Variants in TENM2 observed in about 807,000 individuals in gnomAD.
TENM2 encodes the protein teneurin transmembrane protein 2.
A neutral mutation model predicts 245.2 loss-of-function variants in TENM2; 52 were observed. That is an observed-to-expected ratio of 0.21 (90% CI 0.17 to 0.27). The LOEUF (loss-of-function observed/expected upper bound fraction) is 0.27. Ranked by LOEUF, TENM2 falls within the 10% of genes least tolerant of loss-of-function variation. TENM2 has a pLI of 1.00. For missense variants in TENM2, 3,046 were observed against 3,666.8 expected, an observed-to-expected ratio of 0.83 and a Z score of 4.37; for synonymous variants, 1,363 against 1,438.9, an observed-to-expected ratio of 0.95 and a Z score of 1.19.
At chr5:167,420,120 T>C (rs1763410316) in intron 2 of TENM2, among the ~76,000 whole-genome samples, 2 of 152,230 alleles carry the variant, frequency 1.3e-5, no homozygotes, top group South Asian at 4.1e-4. Flanking sequence ...AGTTGCTTAA[T>C]AGGAATAGGG....
intron 7 of TENM2, among the ~76,000 whole-genome samples, chr5:168,081,105 C>A (rs1791958545): frequency 6.6e-6 from 1 of 152,182 alleles, no homozygotes; most frequent in African/African-American, 2.4e-5. Flanking sequence ...CATTATGAAT[C>A]TGGGTGCTCC....
At chr5:167,967,946 T>C (rs1442522967) in intron 4 of TENM2, among the ~76,000 whole-genome samples, 1 of 152,230 alleles carries the variant, frequency 6.6e-6, no homozygotes, top group Non-Finnish European at 1.5e-5. Flanking sequence ...GGCTCCCTGA[T>C]GATCCTTTTC....
At chr5:167,614,629 C>G (rs945850630) in intron 2 of TENM2, among the ~76,000 whole-genome samples, 1 of 151,994 alleles carries the variant, frequency 6.6e-6, no homozygotes, top group African/African-American at 2.4e-5. Context: ...AGGCTAAGGA[C>G]TGTGTGAAAT....
intron 2 of TENM2, among the ~76,000 whole-genome samples, chr5:167,785,228 C>T (rs1358639182): frequency 2.6e-5 from 4 of 152,204 alleles, no homozygotes; most frequent in Non-Finnish European, 5.9e-5. Flanking sequence ...CTGGATATCA[C>T]GTGATGTGAT....
At chr5:168,010,211 A>G (rs549602398) in intron 5 of TENM2, among the ~76,000 whole-genome samples, 4 of 152,364 alleles carry the variant, frequency 2.6e-5, no homozygotes, top group Non-Finnish European at 5.9e-5. Flanking sequence ...GAATAATCAT[A>G]GGATAGCTAT....
At chr5:167,789,437 A>G (rs1039918861) in intron 2 of TENM2, among the ~76,000 whole-genome samples, 2 of 152,206 alleles carry the variant, frequency 1.3e-5, no homozygotes, top group African/African-American at 4.8e-5. Context: ...ATGAGGAGCC[A>G]GAGGTAATCC....
At chr5:167,041,091 A>G in the TENM2 span, among the ~76,000 whole-genome samples, 2 of 152,186 alleles carry the variant, frequency 1.3e-5, no homozygotes, top group African/African-American at 4.8e-5. Context: ...GGCCACATGT[A>G]TGCAGGTGAT....
At chr5:168,027,413 A>G (rs1786721547) in intron 5 of TENM2, among the ~76,000 whole-genome samples, 1 of 152,166 alleles carries the variant, frequency 6.6e-6, no homozygotes, top group African/African-American at 2.4e-5. Context: ...AGGATTTTTC[A>G]GGCATCATAG....
At chr5:167,825,796 G>A (rs778960482) in intron 2 of TENM2, among the ~76,000 whole-genome samples, 19 of 151,504 alleles carry the variant, frequency 1.3e-4, no homozygotes, top group East Asian at 7.8e-4. Flanking sequence ...CTCTCAGTGC[G>A]CTCATTTATC....
chr5:167,397,856 T>C (rs1762145962), intron 2 of TENM2, among the ~76,000 whole-genome samples: 1 of 152,182 alleles, frequency 6.6e-6, no homozygotes, highest in Non-Finnish European at 1.5e-5. Context: ...TAGAATCCAC[T>C]AAGTGGGCTT....
chr5:167,700,778 C>T (rs1278758430), intron 2 of TENM2, among the ~76,000 whole-genome samples: 1 of 151,974 alleles, frequency 6.6e-6, no homozygotes, highest in Admixed American at 6.6e-5. Context: ...TATCACAATT[C>T]GGTCCATCTT....
chr5:167,284,846 A>T, exon 1 of TENM2: 1 of 1,551,018 alleles, frequency 6.4e-7, no homozygotes, highest in Non-Finnish European at 8.7e-7. Flanking sequence ...TAATGGATGT[A>T]AAGGACCGGC....
intron 3 of TENM2, among the ~76,000 whole-genome samples, chr5:167,941,684 CAAAA>C (rs981805963): frequency 2.7e-5 from 3 of 110,020 alleles, no homozygotes; most frequent in Admixed American, 9.7e-5. Flanking sequence ...CCATCTCTAC[CAAAA>C]AAAAAAAAAA....
chr5:167,915,939 A>G (rs1213083836), intron 3 of TENM2, among the ~76,000 whole-genome samples: 2 of 152,224 alleles, frequency 1.3e-5, no homozygotes, highest in Admixed American at 1.3e-4. Context: ...CCACACTGCT[A>G]TCTTATCTGA....
chr5:168,261,994 T>C, intron 28 of TENM2, 55 bp from the exon 31 acceptor site: 1 of 1,552,822 alleles, frequency 6.4e-7, no homozygotes. Context: ...TGACTCTTTT[T>C]GAGAGAGCTG....
the TENM2 span, among the ~76,000 whole-genome samples, chr5:166,998,562 C>A: frequency 1.2e-4 from 18 of 152,116 alleles, no homozygotes; most frequent in African/African-American, 3.6e-4. Flanking sequence ...ACAATTCTGA[C>A]TTTGCCCTTA....
intron 2 of TENM2, among the ~76,000 whole-genome samples, chr5:167,822,161 C>A (rs2151042565): frequency 6.6e-6 from 1 of 151,550 alleles, no homozygotes; most frequent in African/African-American, 2.4e-5. Flanking sequence ...GTGAAATGGG[C>A]TTGGGATTTG....
intron 2 of TENM2, among the ~76,000 whole-genome samples, chr5:167,815,616 A>G (rs138732672): frequency 6.6e-6 from 1 of 152,288 alleles, no homozygotes; most frequent in African/African-American, 2.4e-5. Flanking sequence ...GGTTCTATCC[A>G]CAACAGAACC....
intron 2 of TENM2, among the ~76,000 whole-genome samples, chr5:167,486,206 T>G (rs1768059987): frequency 1.3e-5 from 2 of 152,160 alleles, no homozygotes; most frequent in African/African-American, 2.4e-5. Flanking sequence ...TCTGCCATAC[T>G]CCAGAAGTGG....
Sources: gnomAD v4.1 joint callset for allele counts (sites outside exome capture counted in the v4.1 genomes callset) on GRCh38, gnomAD v4.1.1 for gene constraint, MANE v1.5 for transcripts, NCBI Gene and HGNC (gene_info 2026-07-23, HGNC 2026-07-21) for gene names.